The following ERCC6L2 variants were observed in gnomAD, a reference collection of about 807,000 sequenced individuals.
The protein encoded by ERCC6L2 is DNA excision repair protein ERCC-6-like 2.
Under a neutral mutation model 132.0 loss-of-function variants are expected in ERCC6L2, and 77 were observed. The observed-to-expected ratio is 0.58, with a 90% CI of 0.49 to 0.71. The LOEUF (loss-of-function observed/expected upper bound fraction) is 0.71, where lower values mean the gene tolerates loss of function less well. Ranked by LOEUF, ERCC6L2 falls within the 30% of genes least tolerant of loss-of-function variation. The pLI is 0.00. For synonymous variants in ERCC6L2, 583 were observed against 632.4 expected (o/e 0.92, Z 1.17); for missense variants, 1,542 against 1,837.6 (o/e 0.84, Z 2.94).
At chr9:95,985,635 GA>G (rs1461091883) in intron 17 of ERCC6L2, among the ~76,000 whole-genome samples, 1 of 152,192 alleles carries the variant, frequency 6.6e-6, no homozygotes, top group African/African-American at 2.4e-5. Context: ...TAAATCTAGA[GA>G]GTCATTGTGT....
chr9:95,991,208 C>G (rs947446354), intron 17 of ERCC6L2, among the ~76,000 whole-genome samples: 2 of 152,068 alleles, frequency 1.3e-5, no homozygotes, highest in African/African-American at 2.4e-5. Flanking sequence ...GACCACAGAT[C>G]TAGGCTGAGC....
intron 19 of ERCC6L2, among the ~76,000 whole-genome samples, chr9:96,024,375 A>G (rs542247958): frequency 3.9e-5 from 6 of 152,378 alleles, no homozygotes; most frequent in East Asian, 3.9e-4. Flanking sequence ...ATCAATCCCA[A>G]TGTATTCAAG....
At chr9:95,982,431 G>A (rs1832930066) in intron 17 of ERCC6L2, among the ~76,000 whole-genome samples, 1 of 152,118 alleles carries the variant, frequency 6.6e-6, no homozygotes, top group South Asian at 2.1e-4. Flanking sequence ...GGGATGGACT[G>A]TTTACAGTGA....
rs572412372 is a variant in ERCC6L2 at position 96,006,401 on chromosome 9, A to C, written c.3674+1700A>C. ...TGCCCACTGAAGACAGCAGCAGAGC[A>C]CTCAGCAGGCACCTTGGCAGGAGCA... On this transcript the variant is annotated intron_variant, in intron 18 of 18. Coordinates refer to ENST00000653738, the MANE Select transcript of ERCC6L2 (RefSeq NM_020207.7). Among the ~76,000 whole-genome samples the C allele has an allele frequency of 6.6e-5, 10 of 152,344 alleles. No individual in the cohort carries two copies. In the East Asian group the frequency reaches 1.4e-3, roughly 21 times the overall value.
At position 95,916,284 on chromosome 9, in the gene ERCC6L2, A is replaced by C. The variant is rs780805492; in HGVS notation, c.1008A>C (p.Pro336=). 2 of 1,614,174 alleles carry C rather than the reference A, an allele frequency of 1.2e-6. No individual in the cohort carries two copies. Among genetic ancestry groups the C allele is most frequent in the South Asian group, 2.2e-5 (2 of 91,086 alleles). The change falls in exon 6 of 19, where the codon CCA becomes CCC. Residue 336 remains proline (P), a synonymous_variant. Coordinates refer to ENST00000653738, the MANE Select transcript of ERCC6L2 (RefSeq NM_020207.7). ...ACTTCAAGAAGCAGTTTTCTGACCC[A>C]GTAGAACATGGTCAGAGACACACGG... The part of the protein sequence containing the change: ...GTYFKKQFSD[P]VEHGQRHTAT...
chr9:96,029,324 C>CAAAAAA (rs955836656), intron 19 of ERCC6L2, among the ~76,000 whole-genome samples: 3 of 104,712 alleles, frequency 2.9e-5, no homozygotes, highest in East Asian at 3.8e-4. Flanking sequence ...AAAAAAAAAA[C>CAAAAAA]AAAAAAAAAA....
At chr9:95,999,950 G>A (rs1247905105) in intron 17 of ERCC6L2, among the ~76,000 whole-genome samples, 4 of 149,570 alleles carry the variant, frequency 2.7e-5, no homozygotes, top group East Asian at 3.9e-4. Context: ...GTGCAGTGAC[G>A]TGATCTCAGC....
At chr9:96,010,616 TTA>T (rs1346678998) in intron 18 of ERCC6L2, among the ~76,000 whole-genome samples, 1 of 152,174 alleles carries the variant, frequency 6.6e-6, no homozygotes, top group African/African-American at 2.4e-5. Flanking sequence ...TCACTCATCA[TTA>T]CCTGACTGAC....
intron 3 of ERCC6L2, among the ~76,000 whole-genome samples, chr9:95,899,354 A>T (rs1307372897): frequency 6.6e-6 from 1 of 151,936 alleles, no homozygotes. Flanking sequence ...CGGAGGCTGA[A>T]GTGGGAGGAT....
At chr9:95,995,210 A>T (rs1220656457) in intron 17 of ERCC6L2, among the ~76,000 whole-genome samples, 3 of 152,200 alleles carry the variant, frequency 2.0e-5, no homozygotes, top group Non-Finnish European at 4.4e-5. Flanking sequence ...CAAAAATCTT[A>T]ACTTTTTTCA....
chr9:96,020,943 CCGGGGAG>C (rs1385500571), downstream of ERCC6L2: 14 of 456,604 alleles, frequency 3.1e-5, no homozygotes, highest in African/African-American at 2.4e-4. Context: ...GACGCGCGGG[CCGGGGAG>C]CGGGGAGAGG....
In ERCC6L2 at chr9:96,015,745, G is replaced by T. The variant is rs1477170995; in HGVS notation, c.*2542G>T. ...GTGAACCTGGGAGGCAGAGCTTGCA[G>T]TGAGCCAGGATTGTGCCCCTGCACC... On this transcript the variant is annotated 3_prime_UTR_variant, in exon 19 of 19. Coordinates refer to ENST00000653738, the MANE Select transcript of ERCC6L2 (RefSeq NM_020207.7). 2.6e-5 allele frequency among the ~76,000 whole-genome samples: 4 copies of T among 152,118 alleles called. No homozygotes were observed. The highest frequency in any genetic ancestry group is 9.7e-5 in the African/African-American group (4 of 41,450).
At chr9:95,918,299 A>T (rs972403562) in intron 6 of ERCC6L2, 6 of 410,204 alleles carry the variant, frequency 1.5e-5, no homozygotes, top group Non-Finnish European at 2.9e-5. Flanking sequence ...ATTTGTCCTG[A>T]TGTCAGTCTT....
intron 3 of ERCC6L2, among the ~76,000 whole-genome samples, chr9:95,898,985 C>T (rs1041817495): frequency 1.1e-4 from 17 of 152,182 alleles, no homozygotes; most frequent in African/African-American, 3.4e-4. Context: ...TATTCAATAG[C>T]TCAAGTACTG....
intron 2 of ERCC6L2, among the ~76,000 whole-genome samples, chr9:95,897,541 T>G (rs1427424514): frequency 2.0e-5 from 3 of 152,138 alleles, no homozygotes; most frequent in Admixed American, 1.3e-4. Context: ...TACGAAGAGA[T>G]AGTTTCCATG....
At chr9:95,939,974 A>G (rs1021618554) in intron 11 of ERCC6L2, among the ~76,000 whole-genome samples, 6 of 152,180 alleles carry the variant, frequency 3.9e-5, no homozygotes, top group Non-Finnish European at 7.4e-5. Context: ...GTGGAAAGCT[A>G]GGTTCCGTCT....
At position 95,941,591 on chromosome 9, in the gene ERCC6L2, T is replaced by TA. The variant is rs543664852; in HGVS notation, c.1847+44dup. ...ATTTAAAGTGATCTGCAAATACTTT[T>TA]AATCTAAAAATACTCTTGAACTTTT... On this transcript the variant is annotated intron_variant, in intron 12 of 18. Transcript: ENST00000653738. 7.5e-5 allele frequency: 104 copies of TA among 1,394,298 alleles called. 2 individuals carry two copies. In the East Asian group the frequency reaches 9.2e-4, roughly 12 times the overall value. 86.4% of individuals were successfully genotyped at this position (1,394,298 alleles called of 1,614,324 possible).
At chr9:95,876,122 T>C in intron 1 of ERCC6L2, 38 bp downstream of exon 1, 4 of 1,531,300 alleles carry the variant, frequency 2.6e-6, no homozygotes, top group Non-Finnish European at 3.5e-6. Context: ...CAGAGGCCTG[T>C]GTACTGCGTC....
chr9:95,922,212 T>C, intron 7 of ERCC6L2, 93 bp from the exon 8 acceptor site: 1 of 571,662 alleles, frequency 1.7e-6, no homozygotes, highest in South Asian at 2.7e-5. Flanking sequence ...AGTAACCCGA[T>C]AATAAATGTT....
Sources: allele counts gnomAD v4.1 joint callset (sites outside exome capture counted in the v4.1 genomes callset), GRCh38; gene constraint gnomAD v4.1.1; transcripts MANE v1.5; gene names NCBI Gene and HGNC (gene_info 2026-07-23, HGNC 2026-07-21).